Variants in ADCYAP1R1 observed in about 807,000 individuals in gnomAD.
ADCYAP1R1 encodes the protein pituitary adenylate cyclase-activating polypeptide type I receptor.
In ADCYAP1R1, 44 loss-of-function variants were observed where a neutral mutation model predicts 67.6. The ratio of observed to expected loss-of-function variants is 0.65; its 90% CI spans 0.51 to 0.84. The LOEUF (loss-of-function observed/expected upper bound fraction) is 0.84. Ranked by LOEUF, ADCYAP1R1 falls within the 40% of genes least tolerant of loss-of-function variation. The probability of loss-of-function intolerance (pLI) is 0.00; values close to 1 mark genes in which losing one functional copy is unlikely to be tolerated. For synonymous variants in ADCYAP1R1, 222 were observed against 219.6 expected (o/e 1.01, Z -0.10); for missense variants, 477 against 587.9 (o/e 0.81, Z 1.95).
rs139954102 is a variant in ADCYAP1R1, at chr7:31,093,646, T to A, written c.1046+911T>A. Reference sequence around the variant, plus strand: ...CACACTCTGGTTCTGAGGGCAGTCCTTGGGGTCCGTCTGTTGGTAAGGCAA... The same window carrying A: ...CACACTCTGGTTCTGAGGGCAGTCCATGGGGTCCGTCTGTTGGTAAGGCAA... On this transcript the variant is annotated intron_variant, in intron 13 of 15. Coordinates refer to ENST00000304166, the MANE Select transcript of ADCYAP1R1 (RefSeq NM_001118.5). 7.2e-3 allele frequency among the ~76,000 whole-genome samples: 1,101 copies of A among 152,232 alleles called. 13 individuals carry two copies. The highest frequency in any genetic ancestry group is 0.025 in the African/African-American group (1,041 of 41,542).
chr7:31,068,257 C>G (rs1181314515), intron 3 of ADCYAP1R1, among the ~76,000 whole-genome samples: 1 of 152,128 alleles, frequency 6.6e-6, no homozygotes, highest in Non-Finnish European at 1.5e-5. Context: ...ACGCATTTAA[C>G]CCTCACCAGC....
Position 31,092,683 on chromosome 7 carries a change from G to A in ADCYAP1R1, c.994G>A (p.Val332Met). The A allele has an allele frequency of 6.2e-7, 1 of 1,609,272 alleles. No homozygotes were observed. Among genetic ancestry groups the A allele is most frequent in the Non-Finnish European group, 8.5e-7 (1 of 1,179,138 alleles). Residue 332 changes from valine to methionine, a missense_variant, in exon 13 of 16, where the codon GTG (valine) becomes ATG (methionine). Val to Met is a conservative substitution (Grantham distance 21). Transcript: ENST00000304166. ...TTTTATTGGCATTATCGTCATCCTT[G>A]TGCAGAAACTTCAGTCTCCAGACAT... ...VLFIGIIVIL[V>M]QKLQSPDMGG...
At position 31,085,365 on chromosome 7, in the gene ADCYAP1R1, C is replaced by T. The variant is rs1231729293; in HGVS notation, c.592C>T (p.Leu198=). The change falls in exon 9 of 16, where the codon CTG becomes TTG. Residue 198 remains leucine (L), a synonymous_variant. Coordinates refer to ENST00000304166, the MANE Select transcript of ADCYAP1R1 (RefSeq NM_001118.5). ...IHMNLFVSFM[L]RAISVFIKDW... is the part of the protein sequence containing the mutation. ...CATGAACCTGTTTGTGTCGTTCATG[C>T]TGAGGGCGATCTCCGTCTTCATCAA... The T allele has an allele frequency of 6.2e-7, 1 of 1,614,108 alleles. No individual in the cohort carries two copies. The highest frequency in any genetic ancestry group is 8.5e-7 in the Non-Finnish European group (1 of 1,180,034).
intron 15 of ADCYAP1R1, among the ~76,000 whole-genome samples, chr7:31,105,486 C>G (rs1300685369): frequency 6.6e-6 from 1 of 152,252 alleles, no homozygotes; most frequent in African/African-American, 2.4e-5. Flanking sequence ...CGGGGGCTCC[C>G]TCTGTACCCT....
chr7:31,088,950 T>A (rs1043033409), intron 12 of ADCYAP1R1, among the ~76,000 whole-genome samples: 3 of 152,208 alleles, frequency 2.0e-5, no homozygotes, highest in Non-Finnish European at 4.4e-5. Flanking sequence ...GGAGGAGAAT[T>A]TATTTTCTTA....
chr7:31,097,444 A>G (rs1036120372), intron 13 of ADCYAP1R1, among the ~76,000 whole-genome samples: 41 of 151,872 alleles, frequency 2.7e-4, no homozygotes, highest in Non-Finnish European at 1.2e-4. Context: ...TTTCTTTTCC[A>G]TGAGTCCTTT....
chr7:31,064,656 A>G (rs1794655299), intron 2 of ADCYAP1R1, among the ~76,000 whole-genome samples, 175 bp from the exon 3 acceptor site: 1 of 152,078 alleles, frequency 6.6e-6, no homozygotes, highest in Admixed American at 6.5e-5. Flanking sequence ...AAGAGCCCTT[A>G]TGGTGTCTCT....
At chr7:31,090,034 G>A (rs1795900583) in intron 12 of ADCYAP1R1, among the ~76,000 whole-genome samples, 1 of 151,718 alleles carries the variant, frequency 6.6e-6, no homozygotes, top group African/African-American at 2.4e-5. Flanking sequence ...AATCCTGAAG[G>A]TTTTCTTTTT....
Position 31,106,865 on chromosome 7 carries a change from C to G in ADCYAP1R1, c.*181C>G, listed in dbSNP as rs1296232226. 3 of 728,154 alleles carry G rather than the reference C, an allele frequency of 4.1e-6. No homozygotes were observed. The highest frequency in any genetic ancestry group is 6.5e-6 in the Non-Finnish European group (3 of 464,106). 45.1% of individuals were successfully genotyped at this position (728,154 alleles called of 1,614,324 possible). A position where few individuals can be genotyped will look rare whatever the true frequency, so the allele number is the denominator to read the frequency against. The stretch of plus-strand genomic sequence containing the variant: ...GAATTGTCCCCTCCTTGTTTTGGTA[C>G]TGGTCCCACCCACTGTGGTCCCCTG... On this transcript the variant is annotated 3_prime_UTR_variant, in exon 16 of 16. Coordinates refer to ENST00000304166, the MANE Select transcript of ADCYAP1R1 (RefSeq NM_001118.5).
At chr7:31,063,447 G>A in intron 2 of ADCYAP1R1, 132 bp downstream of exon 2, 1 of 890,394 alleles carries the variant, frequency 1.1e-6, no homozygotes, top group Non-Finnish European at 1.8e-6. Context: ...CCACCACTGG[G>A]CCACCCAGTG....
At chr7:31,077,422 G>A (rs1273507225) in intron 3 of ADCYAP1R1, among the ~76,000 whole-genome samples, 3 of 131,452 alleles carry the variant, frequency 2.3e-5, no homozygotes, top group African/African-American at 8.6e-5. Flanking sequence ...TGTGATGTGT[G>A]TGTGGTGTAT....
intron 11 of ADCYAP1R1, among the ~76,000 whole-genome samples, chr7:31,087,366 G>C (rs186391923): frequency 1.1e-4 from 17 of 152,342 alleles, no homozygotes; most frequent in Admixed American, 2.0e-4. Context: ...GAGCTCACTG[G>C]TGATACTGAC....
At chr7:31,067,181 A>G (rs1290150309) in intron 3 of ADCYAP1R1, among the ~76,000 whole-genome samples, 1 of 152,214 alleles carries the variant, frequency 6.6e-6, no homozygotes, top group East Asian at 1.9e-4. Context: ...AACCCTGTCC[A>G]GGTGGGAGAG....
At chr7:31,096,288 AT>A (rs1241065087) in intron 13 of ADCYAP1R1, among the ~76,000 whole-genome samples, 1 of 152,162 alleles carries the variant, frequency 6.6e-6, no homozygotes, top group Non-Finnish European at 1.5e-5. Context: ...CCTTGGCCCC[AT>A]TGGGGAGGAT....
At chr7:31,088,321 G>T (rs1029427026) in intron 12 of ADCYAP1R1, among the ~76,000 whole-genome samples, 4 of 152,318 alleles carry the variant, frequency 2.6e-5, no homozygotes, top group East Asian at 3.9e-4. Flanking sequence ...CCGATGTTGT[G>T]TATGTTGCAA....
At chr7:31,064,578 A>T (rs1794652771) in intron 2 of ADCYAP1R1, among the ~76,000 whole-genome samples, 1 of 152,182 alleles carries the variant, frequency 6.6e-6, no homozygotes, top group South Asian at 2.1e-4. Context: ...TTATTATAAG[A>T]TGTGGAAACT....
intron 3 of ADCYAP1R1, among the ~76,000 whole-genome samples, chr7:31,067,882 T>C (rs75454861): frequency 1.1e-3 from 165 of 152,346 alleles, no homozygotes; most frequent in East Asian, 7.5e-3. Context: ...TATTAGGAGC[T>C]GTCATCTTGG....
chr7:31,064,749 C>T, intron 2 of ADCYAP1R1, 82 bp from the exon 3 acceptor site: 2 of 1,143,758 alleles, frequency 1.7e-6, no homozygotes, highest in Non-Finnish European at 1.3e-6. Flanking sequence ...CCCCCCAAGA[C>T]ACTGCCCCTG....
rs988646819 is a variant in ADCYAP1R1 at position 31,110,409 on chromosome 7, G to T, written c.*3725G>T. The T allele has an allele frequency of 2.0e-5, 3 of 152,098 alleles. No homozygotes were observed. Among genetic ancestry groups the T allele is most frequent in the African/African-American group, 7.2e-5 (3 of 41,422 alleles). 9.4% of individuals were successfully genotyped at this position (152,098 alleles called of 1,614,324 possible). A position where few individuals can be genotyped will look rare whatever the true frequency, so the allele number is the denominator to read the frequency against. On this transcript the variant is annotated 3_prime_UTR_variant, in exon 16 of 16. Transcript: ENST00000304166. ...TTGAGGAGGCTCACAAAATACTAAA[G>T]CTGGGAGGAAACTTGGAGATCTATA...
Sources: gnomAD v4.1 joint callset for allele counts (sites outside exome capture counted in the v4.1 genomes callset) on GRCh38, gnomAD v4.1.1 for gene constraint, MANE v1.5 for transcripts, NCBI Gene and HGNC (gene_info 2026-07-23, HGNC 2026-07-21) for gene names.